PON3: variants seen among roughly 807,000 people sequenced by gnomAD.
PON3 encodes the protein serum paraoxonase/lactonase 3.
In PON3, 37 loss-of-function variants were observed where a neutral mutation model predicts 36.3. The observed-to-expected ratio is 1.02, with a 90% confidence interval of 0.78 to 1.34. The LOEUF is 1.34. PON3 is among the 40% of genes most tolerant of loss of function. The pLI, the probability that PON3 is intolerant of heterozygous loss-of-function variation, is 0.00. For missense variants in PON3, 415 were observed against 426.5 expected (o/e 0.97, Z 0.24); for synonymous variants, 155 against 154.8 (o/e 1.00, Z -0.01).
intron 1 of PON3, 127 bp downstream of exon 1, chr7:95,396,150 G>C (rs1809427444): frequency 3.0e-6 from 3 of 1,004,308 alleles, no homozygotes; most frequent in South Asian, 2.6e-5. Flanking sequence ...TGCTGGGTGA[G>C]ATGGAGGAGT....
At chr7:95,396,042 T>C (rs1383345574) in intron 1 of PON3, 1 of 576,078 alleles carries the variant, frequency 1.7e-6, no homozygotes, top group African/African-American at 1.9e-5. Context: ...AAGTGGGGGA[T>C]CATAACCTTC....
At chr7:95,395,483 T>C (rs1377247126) in intron 1 of PON3, among the ~76,000 whole-genome samples, 3 of 152,180 alleles carry the variant, frequency 2.0e-5, no homozygotes, top group East Asian at 1.9e-4. Flanking sequence ...AATGTAACAA[T>C]AAAACTCTCA....
rs1808530605 is a variant in PON3, at chr7:95,360,052, C to T, written c.986G>A (p.Gly329Asp). ...ATGGTACACAGAAGCCACAGAGGTG[C>T]CCTGAAGCACAGAGCCATTGTTGGC... ...VYANNGSVLQ[G>D]TSVASVYHGK... Residue 329 changes from glycine to aspartate, a missense_variant, in exon 9 of 9, where the codon GGC becomes GAC. Coordinates refer to ENST00000265627, the MANE Select transcript of PON3 (RefSeq NM_000940.3). 1.2e-6 allele frequency: 2 copies of T among 1,613,328 alleles called. No homozygotes were observed. The highest frequency in any genetic ancestry group is 1.7e-5 in the Admixed American group (1 of 59,962).
At chr7:95,376,052 C>T in intron 3 of PON3, among the ~76,000 whole-genome samples, 1 of 152,160 alleles carries the variant, frequency 6.6e-6, no homozygotes. Flanking sequence ...GTCTTGAGTT[C>T]AAGGATCTTG....
intron 3 of PON3, among the ~76,000 whole-genome samples, chr7:95,383,549 T>C (rs1247621495): frequency 1.3e-5 from 2 of 152,156 alleles, no homozygotes; most frequent in South Asian, 2.1e-4. Context: ...AGCATTCTTA[T>C]ACACCAATAA....
chr7:95,379,585 C>T (rs576891632), intron 3 of PON3, among the ~76,000 whole-genome samples: 1 of 152,362 alleles, frequency 6.6e-6, no homozygotes, highest in Non-Finnish European at 1.5e-5. Flanking sequence ...GGGTTCCACA[C>T]CCATGGAGCC....
chr7:95,391,665 CT>C (rs1302480994), intron 2 of PON3, among the ~76,000 whole-genome samples: 1 of 152,222 alleles, frequency 6.6e-6, no homozygotes, highest in Non-Finnish European at 1.5e-5. Context: ...TTACAGCCTA[CT>C]ATACCCTACC....
chr7:95,364,337 G>A (rs1808644409), intron 5 of PON3: 1 of 473,338 alleles, frequency 2.1e-6, no homozygotes, highest in South Asian at 2.1e-5. Flanking sequence ...CCCAAAATCT[G>A]TTGACTTGTA....
At chr7:95,363,735 G>T in intron 6 of PON3, 128 bp downstream of exon 6, 1 of 931,780 alleles carries the variant, frequency 1.1e-6, no homozygotes, top group Non-Finnish European at 1.7e-6. Flanking sequence ...GTGAACCCTG[G>T]CCACAACTGA....
Position 95,367,343 on chromosome 7 carries a change from C to A in PON3, c.494+19G>T. 1 of 1,609,872 alleles carries A rather than the reference C, an allele frequency of 6.2e-7. No individual in the cohort carries two copies. Among genetic ancestry groups the A allele is most frequent in the Non-Finnish European group, 8.5e-7 (1 of 1,179,350 alleles). ...GAGGTGCAAAGTAAATAGAACCGCACAATACTTTCATTCCATACCTTTTGA... is the reference window on the plus strand; with the variant it reads ...GAGGTGCAAAGTAAATAGAACCGCAAAATACTTTCATTCCATACCTTTTGA... On this transcript the variant is annotated intron_variant, in intron 5 of 8. Transcript: ENST00000265627.
intron 3 of PON3, among the ~76,000 whole-genome samples, chr7:95,382,625 C>G (rs1469872029): frequency 1.3e-5 from 2 of 152,176 alleles, no homozygotes; most frequent in African/African-American, 2.4e-5. Context: ...AATTCCTCAA[C>G]ACATACACCC....
At chr7:95,360,577 C>T (rs1331897336) in intron 8 of PON3, among the ~76,000 whole-genome samples, 1 of 152,124 alleles carries the variant, frequency 6.6e-6, no homozygotes, top group African/African-American at 2.4e-5. Flanking sequence ...GGAGCCCCTT[C>T]ACATCTGCAA....
At chr7:95,367,727 G>C (rs572080777) in intron 4 of PON3, among the ~76,000 whole-genome samples, 11 of 152,320 alleles carry the variant, frequency 7.2e-5, no homozygotes, top group African/African-American at 2.6e-4. Flanking sequence ...GCAGAGCCAA[G>C]ATGTTTTGCC....
intron 1 of PON3, 66 bp from the exon 2 acceptor site, chr7:95,394,780 G>A (rs1367996016): frequency 7.9e-7 from 1 of 1,268,632 alleles, no homozygotes; most frequent in Non-Finnish European, 1.2e-6. Context: ...TTTAAATGTG[G>A]ACTTCAATCA....
At chr7:95,364,120 C>A in intron 5 of PON3, 57 bp from the exon 6 acceptor site, 3 of 1,400,900 alleles carry the variant, frequency 2.1e-6, no homozygotes, top group Non-Finnish European at 3.0e-6. Flanking sequence ...TATCCTTTAT[C>A]CTTGTCAAAA....
chr7:95,376,614 G>C lies in PON3; in HGVS notation c.202-4276C>G, dbSNP rs146510116. ...AAATATATACTTCCTGTATAGCAATGATTCAGAACTTTTAGTTCCAGTGAA... is the reference window on the plus strand; with the variant it reads ...AAATATATACTTCCTGTATAGCAATCATTCAGAACTTTTAGTTCCAGTGAA... On this transcript the variant is annotated intron_variant, in intron 3 of 8. Coordinates refer to ENST00000265627, the MANE Select transcript of PON3 (RefSeq NM_000940.3). 8.8e-3 allele frequency among the ~76,000 whole-genome samples: 1,333 copies of C among 151,138 alleles called. 18 individuals are homozygous for C. The highest frequency in any genetic ancestry group is 0.03 in the African/African-American group (1,239 of 40,984).
Position 95,372,350 on chromosome 7 carries a change from A to G in PON3, c.202-12T>C, listed in dbSNP as rs1808826571. ...GGATATTTTAATCCCTTTTAAAAAT[A>G]AAGAACAAGTGTGCACACATATACA... On this transcript the variant is annotated splice_polypyrimidine_tract_variant and intron_variant, in intron 3 of 8. Transcript: ENST00000265627. 1.9e-6 allele frequency: 3 copies of G among 1,613,122 alleles called. No individual in the cohort carries two copies. Among genetic ancestry groups the G allele is most frequent in the East Asian group, 4.5e-5 (2 of 44,846 alleles).
chr7:95,375,773 CAGTT>C (rs1298820228), intron 3 of PON3, among the ~76,000 whole-genome samples: 1 of 152,214 alleles, frequency 6.6e-6, no homozygotes, highest in East Asian at 1.9e-4. Flanking sequence ...CTGTGTAAAG[CAGTT>C]AGGTAGGAAT....
chr7:95,373,833 C>A (rs1334811462), intron 3 of PON3, among the ~76,000 whole-genome samples: 1 of 152,138 alleles, frequency 6.6e-6, no homozygotes, highest in Non-Finnish European at 1.5e-5. Context: ...GGGTCCCCAA[C>A]CCCTGTGCCA....
Sources: gnomAD v4.1 joint callset for allele counts (sites outside exome capture counted in the v4.1 genomes callset) on GRCh38, gnomAD v4.1.1 for gene constraint, MANE v1.5 for transcripts, NCBI Gene and HGNC (gene_info 2026-07-23, HGNC 2026-07-21) for gene names.